The following CD302 variants were observed in gnomAD, a reference collection of about 807,000 sequenced individuals.
CD302 encodes CD302 antigen.
In CD302, 23 loss-of-function variants were observed where a neutral mutation model predicts 26.5. The ratio of observed to expected loss-of-function variants is 0.87; its 90% CI spans 0.62 to 1.23. The LOEUF (loss-of-function observed/expected upper bound fraction) is 1.23, where lower values mean the gene tolerates loss of function less well. Ranked by LOEUF, CD302 falls within the 50% of genes most tolerant of loss-of-function variation. The pLI is 0.00. For synonymous variants in CD302, 90 were observed against 99.4 expected, an observed-to-expected ratio of 0.91 and a Z score of 0.56; for missense variants, 290 against 275.5, an observed-to-expected ratio of 1.05 and a Z score of -0.37.
rs757055117 is a variant in CD302 at position 159,771,857 on chromosome 2, AAATT to A, written c.689_692del (p.Gln230LeufsTer10). 5 of 1,613,736 alleles carry A rather than the reference AAATT, an allele frequency of 3.1e-6. No individual in the cohort carries two copies. Among genetic ancestry groups the A allele is most frequent in the Non-Finnish European group, 4.2e-6 (5 of 1,179,658 alleles). ...GTGCAAGATTACCAAAAACTTAGTC[AAATT>A]GAACAGGATATTCATTTTCTTCTCC... On this transcript the variant is annotated frameshift_variant, in exon 6 of 6. Transcript: ENST00000259053. LOFTEE classifies it high-confidence loss of function.
In CD302 at chr2:159,780,995, G is replaced by A. The variant is rs766645940; in HGVS notation, c.182C>T (p.Ala61Val). The A allele has an allele frequency of 4.0e-5, 64 of 1,599,764 alleles. No homozygotes were observed. The highest frequency in any genetic ancestry group is 5.1e-5 in the Non-Finnish European group (60 of 1,176,492). Residue 61 changes from alanine (A) to valine (V), a missense_variant, in exon 3 of 6, where the codon GCG becomes GTG. Coordinates refer to ENST00000259053, the MANE Select transcript of CD302 (RefSeq NM_014880.5). ...DVRNQCTDHGADMISIHNEEE... is the reference protein window; with the variant it reads ...DVRNQCTDHGVDMISIHNEEE... ...TTCATTATGTATGCTTATCATGTCC[G>A]CTCCTGAAATTATTTTAAAGAGAAA... is the stretch of plus-strand genomic sequence containing the variant.
At chr2:159,779,742 C>T (rs1275708416) in intron 4 of CD302, among the ~76,000 whole-genome samples, 4 of 151,830 alleles carry the variant, frequency 2.6e-5, no homozygotes, top group African/African-American at 4.8e-5. Context: ...TATTTCGGAC[C>T]GCAGGTGCAC....
chr2:159,795,604 A>C (rs1708931751), intron 1 of CD302, among the ~76,000 whole-genome samples: 1 of 152,226 alleles, frequency 6.6e-6, no homozygotes, highest in Non-Finnish European at 1.5e-5. Flanking sequence ...GAGGCTTCGG[A>C]GAAGGTGACA....
chr2:159,792,630 A>G (rs914514254), intron 1 of CD302, among the ~76,000 whole-genome samples: 15 of 152,164 alleles, frequency 9.9e-5, no homozygotes, highest in African/African-American at 3.6e-4. Flanking sequence ...CAATACAGAA[A>G]TGGTCCCGAA....
At chr2:159,775,068 T>A (rs921941757) in intron 5 of CD302, among the ~76,000 whole-genome samples, 2 of 152,166 alleles carry the variant, frequency 1.3e-5, no homozygotes, top group African/African-American at 4.8e-5. Context: ...GTGCAACACC[T>A]CCCTTCTTGC....
rs925761592 is a variant in CD302, at chr2:159,771,194, G to T, written c.*657C>A. The T allele has an allele frequency of 6.6e-6, 1 of 152,234 alleles. No individual in the cohort carries two copies. The highest frequency in any genetic ancestry group is 2.4e-5 in the African/African-American group (1 of 41,430). 9.4% of individuals were successfully genotyped at this position (152,234 alleles called of 1,614,324 possible). A position where few individuals can be genotyped will look rare whatever the true frequency, so the allele number is the denominator to read the frequency against. ...AATCCTTAAAGGGGCACTATAATAT[G>T]TAAGTGTTAACCTAATTGCCAGCTT... On this transcript the variant is annotated 3_prime_UTR_variant, in exon 6 of 6. Transcript: ENST00000259053.
At chr2:159,792,849 T>A (rs1560051519) in intron 1 of CD302, among the ~76,000 whole-genome samples, 1 of 152,174 alleles carries the variant, frequency 6.6e-6, no homozygotes. Flanking sequence ...GCATTAGCAG[T>A]AACTCCAGTT....
At chr2:159,776,012 C>CTTTTTTTTTTTT (rs71406197) in intron 5 of CD302, among the ~76,000 whole-genome samples, 3,453 of 80,958 alleles carry the variant, frequency 0.043, 624 homozygotes, top group East Asian at 0.19. Flanking sequence ...CGGGTTTCAA[C>CTTTTTTTTTTTT]TTTTTTTTTT....
intron 1 of CD302, among the ~76,000 whole-genome samples, chr2:159,786,595 A>G (rs34678473): frequency 0.065 from 9,885 of 152,178 alleles, 410 homozygotes; most frequent in Middle Eastern, 0.18. Flanking sequence ...TGGCCTCCCA[A>G]AGTGCTGGGA....
chr2:159,782,798 T>A (rs1249252155), intron 2 of CD302, among the ~76,000 whole-genome samples: 1 of 151,960 alleles, frequency 6.6e-6, no homozygotes, highest in Non-Finnish European at 1.5e-5. Flanking sequence ...GAACACTGAG[T>A]GTATGGTCTA....
chr2:159,779,801 G>A (rs948774195), intron 4 of CD302, among the ~76,000 whole-genome samples: 4 of 144,152 alleles, frequency 2.8e-5, no homozygotes, highest in Admixed American at 7.7e-5. Context: ...ATGAGTTTTC[G>A]CCATGTTGCT....
At chr2:159,794,485 G>T (rs62175224) in intron 1 of CD302, among the ~76,000 whole-genome samples, 20,661 of 130,340 alleles carry the variant, frequency 0.16, 1,777 homozygotes, top group African/African-American at 0.28. Context: ...CTTTTTCATT[G>T]GAAGAAAAAT....
At chr2:159,784,495 G>A (rs7559812) in intron 1 of CD302, among the ~76,000 whole-genome samples, 140,152 of 151,528 alleles carry the variant, frequency 0.92, 64,994 homozygotes, top group African/African-American at 0.96. Flanking sequence ...AGCTGGGACT[G>A]CAGGTATGTG....
rs184493367 is a variant in CD302 at position 159,796,875 on chromosome 2, C to G, written c.67+1257G>C. The stretch of plus-strand genomic sequence containing the variant: ...AGCCTAAAGTACAAATGCACAGCCT[C>G]GCAGAGGGTGGTTTACATGAGAGTT... On this transcript the variant is annotated intron_variant, in intron 1 of 5. Coordinates refer to ENST00000259053, the MANE Select transcript of CD302 (RefSeq NM_014880.5). 1.8e-3 allele frequency among the ~76,000 whole-genome samples: 268 copies of G among 152,262 alleles called. 1 individual carries two copies. Among genetic ancestry groups the G allele is most frequent in the Admixed American group, 3.1e-3 (47 of 15,294 alleles).
intron 1 of CD302, among the ~76,000 whole-genome samples, chr2:159,786,971 C>A (rs1708683170): frequency 6.6e-6 from 1 of 152,180 alleles, no homozygotes; most frequent in Non-Finnish European, 1.5e-5. Context: ...TGGAATCATA[C>A]ATTGTGTACT....
At chr2:159,772,668 A>G (rs1210681615) in intron 5 of CD302, among the ~76,000 whole-genome samples, 1 of 152,208 alleles carries the variant, frequency 6.6e-6, no homozygotes, top group Non-Finnish European at 1.5e-5. Context: ...GAGAACAAAC[A>G]TACTTTTGGG....
intron 1 of CD302, 49 bp downstream of exon 1, chr2:159,798,083 G>T: frequency 6.8e-7 from 1 of 1,476,218 alleles, no homozygotes; most frequent in Non-Finnish European, 9.0e-7. Flanking sequence ...TGGGAAGGGG[G>T]CGAAGGCGGT....
At chr2:159,794,697 T>C (rs922981323) in intron 1 of CD302, among the ~76,000 whole-genome samples, 10 of 151,494 alleles carry the variant, frequency 6.6e-5, no homozygotes, top group South Asian at 6.3e-4. Flanking sequence ...CACAGGTGCC[T>C]GCCACCACGC....
At chr2:159,788,841 C>G (rs529686140) in intron 1 of CD302, among the ~76,000 whole-genome samples, 11 of 152,264 alleles carry the variant, frequency 7.2e-5, no homozygotes, top group Admixed American at 6.5e-4. Context: ...TACTTTTGCT[C>G]CATTCTCTCT....
Sources: gnomAD v4.1 joint callset for allele counts (sites outside exome capture counted in the v4.1 genomes callset) on GRCh38, gnomAD v4.1.1 for gene constraint, MANE v1.5 for transcripts, NCBI Gene and HGNC (gene_info 2026-07-23, HGNC 2026-07-21) for gene names.